Variants in PTPRA observed in about 807,000 individuals in gnomAD.
The protein encoded by PTPRA is receptor-type tyrosine-protein phosphatase alpha.
In PTPRA, 25 loss-of-function variants were observed where a neutral mutation model predicts 104.8. The observed-to-expected ratio is 0.24, with a 90% CI of 0.17 to 0.33. The LOEUF (loss-of-function observed/expected upper bound fraction) is 0.33, where lower values mean the gene tolerates loss of function less well. Ranked by LOEUF, PTPRA falls within the 10% of genes least tolerant of loss-of-function variation. The probability of loss-of-function intolerance (pLI) is 1.00; values close to 1 mark genes in which losing one functional copy is unlikely to be tolerated. For synonymous variants in PTPRA, 323 were observed against 368.9 expected (o/e 0.88, Z 1.43); for missense variants, 765 against 1,015.3 (o/e 0.75, Z 3.35).
intron 1 of PTPRA, among the ~76,000 whole-genome samples, chr20:2,887,842 C>T (rs893721847): frequency 6.6e-6 from 1 of 152,186 alleles, no homozygotes; most frequent in Non-Finnish European, 1.5e-5. Flanking sequence ...CAAGCTTTTA[C>T]GGGGATACTT....
chr20:2,886,805 G>C (rs1387281931), intron 1 of PTPRA, among the ~76,000 whole-genome samples: 1 of 149,610 alleles, frequency 6.7e-6, no homozygotes, highest in African/African-American at 2.5e-5. Flanking sequence ...GCCCTGAGCC[G>C]AGATCGCACC....
intron 1 of PTPRA, among the ~76,000 whole-genome samples, chr20:2,910,011 CATATATAATCTATCATATATCATATCAT>C (rs1568649343): frequency 1.0e-5 from 1 of 100,100 alleles, no homozygotes; most frequent in African/African-American, 5.3e-5. Context: ...TATCATATAT[CATATATAATCTATCATATATCATATCAT>C]ATATAATATA....
chr20:3,012,534 A>G (rs945075578), intron 11 of PTPRA, among the ~76,000 whole-genome samples: 3 of 152,270 alleles, frequency 2.0e-5, no homozygotes, highest in African/African-American at 7.2e-5. Context: ...AGCCCCTGCC[A>G]GGCACATTGA....
rs527647953 is a variant in PTPRA, at chr20:2,897,970, T to C, written c.-129+24210T>C. On this transcript the variant is annotated intron_variant, in intron 1 of 23. Coordinates refer to ENST00000399903, the MANE Select transcript of PTPRA (RefSeq NM_001385305.1). ...TCTTGTTGCCCAGGCTGGGGTGCAA[T>C]GGCGTGCTCTTTGTTCACTGCAACC... is the stretch of plus-strand genomic sequence containing the variant. 8.2e-5 allele frequency among the ~76,000 whole-genome samples: 12 copies of C among 146,858 alleles called. No homozygotes were observed. In the East Asian group the frequency reaches 1.8e-3, roughly 23 times the overall value.
chr20:3,027,003 C>T (rs2065177791), intron 18 of PTPRA, 118 bp from the exon 19 acceptor site: 1 of 1,174,688 alleles, frequency 8.5e-7, no homozygotes, highest in Non-Finnish European at 1.3e-6. Flanking sequence ...GAGCTAGGAA[C>T]AGACATGTCC....
rs1181227472 is a variant in PTPRA, at chr20:2,873,712, G to A, written c.-177G>A. 6.6e-6 allele frequency: 1 copy of A among 151,584 alleles called. No individual in the cohort carries two copies. Among genetic ancestry groups the A allele is most frequent in the Non-Finnish European group, 1.5e-5 (1 of 67,794 alleles). The allele number at this position is 151,584 out of a possible 1,614,324, so 9.4% of individuals were successfully genotyped here. A position where few individuals can be genotyped will look rare whatever the true frequency, so the allele number is the denominator to read the frequency against. On this transcript the variant is annotated 5_prime_UTR_variant, in exon 1 of 24. Coordinates refer to ENST00000399903, the MANE Select transcript of PTPRA (RefSeq NM_001385305.1). The surrounding 1 kb of genome is among the most constrained non-coding windows in gnomAD (Gnocchi z 4.4). ...CCCGAAACGCCGCCGCGGAGCCGAG[G>A]CGGAGCCGCTGTCCTCGTCCCCAGC...
At chr20:3,000,302 A>G (rs888183255) in intron 9 of PTPRA, among the ~76,000 whole-genome samples, 6 of 152,288 alleles carry the variant, frequency 3.9e-5, no homozygotes, top group African/African-American at 1.4e-4. Flanking sequence ...AAAATAATCC[A>G]GTAGGACAAC....
At chr20:2,941,405 G>C (rs1242121822) in intron 2 of PTPRA, among the ~76,000 whole-genome samples, 1 of 152,118 alleles carries the variant, frequency 6.6e-6, no homozygotes, top group African/African-American at 2.4e-5. Context: ...GTAGCATTCA[G>C]CACTCCCTGT....
intron 2 of PTPRA, among the ~76,000 whole-genome samples, chr20:2,939,619 C>G (rs2060831240): frequency 6.6e-6 from 1 of 152,192 alleles, no homozygotes; most frequent in Non-Finnish European, 1.5e-5. Flanking sequence ...CTTACTGGAT[C>G]TTTCAGATTG....
rs1321609132 is a variant in PTPRA at position 2,981,596 on chromosome 20, T to TA, written c.443-5163dup. ...AAATATATATGCAGCATATGTTTTG[T>TA]AAAAAAGAAGCCCTTACCAGTCTCT... On this transcript the variant is annotated intron_variant, in intron 6 of 23. Coordinates refer to ENST00000399903, the MANE Select transcript of PTPRA (RefSeq NM_001385305.1). Among the ~76,000 whole-genome samples, 4 of 152,198 alleles carry TA rather than the reference T, an allele frequency of 2.6e-5. No individual in the cohort carries two copies. In the East Asian group the frequency reaches 7.7e-4, roughly 29 times the overall value.
chr20:2,947,893 A>G (rs1212514271), intron 2 of PTPRA, 89 bp from the exon 3 acceptor site: 2 of 536,914 alleles, frequency 3.7e-6, no homozygotes, highest in African/African-American at 4.1e-5. Flanking sequence ...AAATTTGCCT[A>G]TCGATAATTT....
At chr20:2,879,286 A>G (rs896408455) in intron 1 of PTPRA, among the ~76,000 whole-genome samples, 9 of 152,214 alleles carry the variant, frequency 5.9e-5, no homozygotes, top group African/African-American at 1.7e-4. Context: ...CTCATGAACC[A>G]TCTGGGAATC....
chr20:2,906,655 A>G (rs768603277), intron 1 of PTPRA, among the ~76,000 whole-genome samples: 1 of 152,186 alleles, frequency 6.6e-6, no homozygotes. Flanking sequence ...AGTGCTTCCT[A>G]TTCAATAAAT....
chr20:2,994,731 C>T (rs1314130068), intron 9 of PTPRA, among the ~76,000 whole-genome samples: 1 of 152,206 alleles, frequency 6.6e-6, no homozygotes, highest in Admixed American at 6.5e-5. Flanking sequence ...GCATTCAGTC[C>T]AGGTTTCCAC....
chr20:2,940,716 A>G (rs1372300414), intron 2 of PTPRA, among the ~76,000 whole-genome samples: 1 of 152,232 alleles, frequency 6.6e-6, no homozygotes, highest in Non-Finnish European at 1.5e-5. Flanking sequence ...AAATTATATG[A>G]AATTCAAATT....
At chr20:3,019,609 G>A (rs1024927984) in intron 13 of PTPRA, among the ~76,000 whole-genome samples, 1 of 144,838 alleles carries the variant, frequency 6.9e-6, no homozygotes, top group African/African-American at 2.6e-5. Context: ...CAGGCAGAGG[G>A]GCTCCTCACA....
intron 1 of PTPRA, among the ~76,000 whole-genome samples, chr20:2,878,375 C>T (rs1174271971): frequency 6.6e-6 from 1 of 152,026 alleles, no homozygotes; most frequent in Non-Finnish European, 1.5e-5. Flanking sequence ...CCACCACGAC[C>T]AGCTAATTTT....
chr20:2,876,020 A>T (rs2089695744), intron 1 of PTPRA, among the ~76,000 whole-genome samples: 1 of 152,210 alleles, frequency 6.6e-6, no homozygotes, highest in Admixed American at 6.5e-5. Context: ...TCATAGCTGG[A>T]TCAGGTAAGG....
At chr20:2,910,078 T>C (rs1255431725) in intron 1 of PTPRA, among the ~76,000 whole-genome samples, 1 of 121,834 alleles carries the variant, frequency 8.2e-6, no homozygotes, top group Non-Finnish European at 1.6e-5. Context: ...ATATATGATG[T>C]ATAGTATATA....
Sources: gnomAD v4.1 joint callset for allele counts (sites outside exome capture counted in the v4.1 genomes callset) on GRCh38, gnomAD v4.1.1 for gene constraint, Gnocchi (gnomAD v3.1) non-coding constraint, MANE v1.5 for transcripts, NCBI Gene and HGNC (gene_info 2026-07-23, HGNC 2026-07-21) for gene names.